SAGE1: variants seen among roughly 807,000 people sequenced by gnomAD.
SAGE1 encodes cancer/testis antigen 14.
In SAGE1, 55 loss-of-function variants were observed where a neutral mutation model predicts 55.4. The observed-to-expected ratio is 0.99, with a 90% CI of 0.80 to 1.24. The LOEUF is 1.24. SAGE1 is among the 50% of genes most tolerant of loss of function. The pLI is 0.00. For missense variants in SAGE1, 710 were observed against 704.4 expected, an observed-to-expected ratio of 1.01 and a Z score of -0.09; for synonymous variants, 240 against 244.3, an observed-to-expected ratio of 0.98 and a Z score of 0.17.
At chrX:135,897,411 T>C (rs2088603425) in intron 2 of SAGE1, among the ~76,000 whole-genome samples, 1 of 111,986 alleles carries the variant, frequency 8.9e-6, no homozygotes, top group African/African-American at 3.2e-5. Context: ...CTTTATTTTC[T>C]CTTTTTTAAC....
rs1177661263 is a variant in SAGE1, at chrX:135,911,756, T to A, written c.2324T>A (p.Leu775Gln). 1 of 1,210,006 alleles carries A rather than the reference T, an allele frequency of 8.3e-7. No individual in the cohort carries two copies. Among genetic ancestry groups the A allele is most frequent in the Non-Finnish European group, 1.1e-6 (1 of 895,028 alleles). ...HDFTSLSKDE[L>Q]LYKPDSNEFA... ...TTCACAAGTCTCAGCAAAGATGAGC[T>A]GCTTTACAAACCTGATAGTAATGAA... is the stretch of plus-strand genomic sequence containing the variant. The change falls in exon 18 of 20, where the codon CTG (leucine) becomes CAG (glutamine). Residue 775 changes from leucine to glutamine, a missense_variant. Coordinates refer to ENST00000370709, the MANE Select transcript of SAGE1 (RefSeq NM_001381902.1).
At chrX:135,910,596 C>T in intron 16 of SAGE1, 41 bp downstream of exon 16, 1 of 1,138,333 alleles carries the variant, frequency 8.8e-7, no homozygotes. Flanking sequence ...CTTGGTTTCC[C>T]TAAGCAGGCA....
intron 2 of SAGE1, among the ~76,000 whole-genome samples, chrX:135,900,305 G>T (rs1317169422): frequency 2.7e-5 from 3 of 111,735 alleles, no homozygotes; most frequent in African/African-American, 9.8e-5. Flanking sequence ...TCATTGATTG[G>T]CCTATTCTGA....
At position 135,896,330 on chromosome X, in the gene SAGE1, G is replaced by A. The variant is rs782485180; in HGVS notation, c.87+1G>A. 3.5e-6 allele frequency: 4 copies of A among 1,156,899 alleles called. No homozygotes were observed. Among genetic ancestry groups the A allele is most frequent in the South Asian group, 1.8e-5 (1 of 55,258 alleles). ...CTATGTGTTTACAAATGATGGGCAGGTAAGATAACTCTTTCTATTTCTGCC... is the reference window on the plus strand; with the variant it reads ...CTATGTGTTTACAAATGATGGGCAGATAAGATAACTCTTTCTATTTCTGCC... On this transcript the variant is annotated splice_donor_variant, in intron 2 of 19. Transcript: ENST00000370709. LOFTEE classifies it high-confidence loss of function.
In SAGE1 at chrX:135,911,179, A is replaced by G; in HGVS notation, c.2006-13A>G. 8.3e-7 allele frequency: 1 copy of G among 1,209,274 alleles called. No homozygotes were observed. ...ACTTACTTCACAGCTCAGCCTCTTC[A>G]TTTTGTTTCCAGATGTCACCGCCAC... On this transcript the variant is annotated splice_polypyrimidine_tract_variant and intron_variant, in intron 16 of 19. Coordinates refer to ENST00000370709, the MANE Select transcript of SAGE1 (RefSeq NM_001381902.1).
intron 1 of SAGE1, among the ~76,000 whole-genome samples, chrX:135,894,480 G>A (rs1556592194): frequency 8.9e-6 from 1 of 111,769 alleles, no homozygotes; most frequent in Non-Finnish European, 1.9e-5. Context: ...TTTAATTTCT[G>A]TAAGGTCAGT....
rs782596334 is a variant in SAGE1 at position 135,906,798 on chromosome X, G to A, written c.737-128G>A. On this transcript the variant is annotated intron_variant, in intron 7 of 19. Transcript: ENST00000370709. ...TCCTGGCCTCAATTTCAGGGGTCTCGTATGGCAACCTGGTATATCCTCCTG... is the reference window on the plus strand; with the variant it reads ...TCCTGGCCTCAATTTCAGGGGTCTCATATGGCAACCTGGTATATCCTCCTG... 7.1e-5 allele frequency: 68 copies of A among 955,725 alleles called. No individual in the cohort carries two copies. In the East Asian group the frequency reaches 1.3e-3, roughly 18 times the overall value. The allele number at this position is 955,725 out of a possible 1,213,427, so 78.8% of individuals were successfully genotyped here.
rs782544975 is a variant in SAGE1, at chrX:135,905,393, G to C, written c.454+1G>C. The C allele has an allele frequency of 1.0e-4, 123 of 1,195,080 alleles. 1 individual carries two copies. The South Asian group carries it at 2.2e-3, about 21-fold the overall frequency. ...CCATCCATGAGTACCAGGGATCTGC[G>C]TATGTCTGCTAATTAGTTGTACTGT... is the stretch of plus-strand genomic sequence containing the variant. On this transcript the variant is annotated splice_donor_variant, in intron 5 of 19. Coordinates refer to ENST00000370709, the MANE Select transcript of SAGE1 (RefSeq NM_001381902.1). LOFTEE classifies it high-confidence loss of function.
rs1556607261 is a variant in SAGE1 at position 135,912,998 on chromosome X, C to G, written c.*101C>G. ...ATAATCCTGAAATGAAGAGAATTCC[C>G]TTCCAGAAGCTACGAAAAAGGGAGC... On this transcript the variant is annotated 3_prime_UTR_variant, in exon 20 of 20. Transcript: ENST00000370709. 1.9e-6 allele frequency: 1 copy of G among 520,704 alleles called. No homozygotes were observed. The highest frequency in any genetic ancestry group is 2.4e-5 in the African/African-American group (1 of 42,175). The allele number at this position is 520,704 out of a possible 1,213,427, so 42.9% of individuals were successfully genotyped here. A position where few individuals can be genotyped will look rare whatever the true frequency, so the allele number is the denominator to read the frequency against.
At chrX:135,901,469 T>C (rs1381507893) in intron 2 of SAGE1, 90 bp from the exon 3 acceptor site, 4 of 870,679 alleles carry the variant, frequency 4.6e-6, no homozygotes, top group African/African-American at 2.0e-5. Flanking sequence ...ATTAATGATA[T>C]AAATGCATGG....
chrX:135,902,329 C>T (rs186505492), intron 3 of SAGE1, among the ~76,000 whole-genome samples: 6 of 112,055 alleles, frequency 5.4e-5, no homozygotes, highest in South Asian at 3.8e-4. Context: ...GACTCAAATA[C>T]GACTACACTC....
intron 14 of SAGE1, 42 bp downstream of exon 14, chrX:135,909,821 A>G (rs782113967): frequency 5.4e-6 from 6 of 1,109,600 alleles, no homozygotes; most frequent in Middle Eastern, 2.5e-4. Flanking sequence ...CTTGGTTTTC[A>G]TATGCATGCC....
chrX:135,897,261 A>G (rs2088601494), intron 2 of SAGE1, among the ~76,000 whole-genome samples: 1 of 112,511 alleles, frequency 8.9e-6, no homozygotes, highest in Admixed American at 9.4e-5. Flanking sequence ...TCACCATTAG[A>G]ACATGAAGAC....
rs1363525103 is a variant in SAGE1, at chrX:135,905,156, G to T, written c.314-96G>T. 6 of 817,541 alleles carry T rather than the reference G, an allele frequency of 7.3e-6. No individual in the cohort carries two copies. In the African/African-American group the frequency reaches 1.2e-4, roughly 16 times the overall value. The allele number at this position is 817,541 out of a possible 1,213,427, so 67.4% of individuals were successfully genotyped here. On this transcript the variant is annotated intron_variant, in intron 4 of 19. Coordinates refer to ENST00000370709, the MANE Select transcript of SAGE1 (RefSeq NM_001381902.1). The stretch of plus-strand genomic sequence containing the variant: ...ATATGATGTATTCTCCTGCATTAGG[G>T]GATAATTTCCTAGAAACCGAGCATC...
chrX:135,906,316 A>G, intron 6 of SAGE1, 95 bp from the exon 7 acceptor site: 11 of 1,105,797 alleles, frequency 9.9e-6, no homozygotes, highest in Non-Finnish European at 1.3e-5. Context: ...CTGCTTTATG[A>G]AATAATTTCA....
chrX:135,893,856 G>A lies in SAGE1; in HGVS notation c.-1+75G>A, dbSNP rs782034446. On this transcript the variant is annotated intron_variant, in intron 1 of 19. Coordinates refer to ENST00000370709, the MANE Select transcript of SAGE1 (RefSeq NM_001381902.1). Reference sequence around the variant, plus strand: ...CTTTGATATCAGGGTAATATTGGCCGCATAGAATGAAGTAGTGTTCCTCCG... The same window carrying A: ...CTTTGATATCAGGGTAATATTGGCCACATAGAATGAAGTAGTGTTCCTCCG... 8.6e-4 allele frequency among the ~76,000 whole-genome samples: 96 copies of A among 111,789 alleles called. 1 individual carries two copies. The highest frequency in any genetic ancestry group is 3.5e-3 in the Admixed American group (37 of 10,621).
chrX:135,897,356 C>T (rs1556594366), intron 2 of SAGE1, among the ~76,000 whole-genome samples: 1 of 112,141 alleles, frequency 8.9e-6, no homozygotes, highest in Non-Finnish European at 1.9e-5. Flanking sequence ...CCACCACATT[C>T]CCAAAACTCC....
intron 16 of SAGE1, 133 bp downstream of exon 16, chrX:135,910,688 C>T (rs975966101): frequency 5.4e-6 from 3 of 552,623 alleles, no homozygotes; most frequent in Non-Finnish European, 3.0e-6. Context: ...GTCCACCTGG[C>T]ATATCCTTGC....
chrX:135,905,332 C>T lies in SAGE1; in HGVS notation c.394C>T (p.Pro132Ser), dbSNP rs148687005. The change falls in exon 5 of 20, where the codon CCA becomes TCA. Residue 132 changes from proline (P) to serine (S), a missense_variant. By Grantham distance (74) the Pro-to-Ser change is moderately conservative. Transcript: ENST00000370709. ...AACTGACAAAGTCTTGTCAACTGCT[C>T]CACCACAGCTTGTTCATATGGCTGC... ...SRTDKVLSTA[P>S]PQLVHMAAAG... 39 of 1,207,281 alleles carry T rather than the reference C, an allele frequency of 3.2e-5. No homozygotes were observed. In the African/African-American group the frequency reaches 6.1e-4, roughly 19 times the overall value.
Sources: allele counts gnomAD v4.1 joint callset (sites outside exome capture counted in the v4.1 genomes callset), GRCh38; gene constraint gnomAD v4.1.1; transcripts MANE v1.5; gene names NCBI Gene and HGNC (gene_info 2026-07-23, HGNC 2026-07-21).